The following MAGI2 variants were observed in gnomAD, a reference collection of about 807,000 sequenced individuals.
MAGI2 encodes membrane associated guanylate kinase, WW and PDZ domain containing 2.
Under a neutral mutation model 133.3 loss-of-function variants are expected in MAGI2, and 35 were observed. The ratio of observed to expected loss-of-function variants is 0.26; its 90% CI spans 0.20 to 0.35. MAGI2 has a LOEUF of 0.35. MAGI2 is among the 10% of genes least tolerant of loss of function. MAGI2 has a pLI of 1.00. For missense variants in MAGI2, 1,636 were observed against 1,863.4 expected (o/e 0.88, Z 2.25); for synonymous variants, 729 against 710.6 (o/e 1.03, Z -0.41).
chr7:78,771,072 A>G (rs1327619117), intron 2 of MAGI2: 1 of 152,134 alleles, frequency 6.6e-6, no homozygotes, highest in Non-Finnish European at 1.5e-5. Flanking sequence ...ACTGCCGCTG[A>G]GCTCTTTTGT....
rs1839508757 is a variant in MAGI2, at chr7:79,324,640, TAAAATATATATATATTATATATATATAA to T, written c.301+128352_301+128379del. The stretch of plus-strand genomic sequence containing the variant: ...ATATAATATATATATTATATATATA[TAAAATATATATATATTATATATATATAA>T]AATATATATATATTATATATATATA... On this transcript the variant is annotated intron_variant, in intron 1 of 21. Transcript: ENST00000354212. 5.1e-5 allele frequency among the ~76,000 whole-genome samples: 2 copies of T among 39,566 alleles called. 1 individual carries two copies. The highest frequency in any genetic ancestry group is 2.1e-3 in the East Asian group (2 of 972). 26.0% of individuals were successfully genotyped at this position (39,566 alleles called of 152,430 possible). A position where few individuals can be genotyped will look rare whatever the true frequency, so the allele number is the denominator to read the frequency against.
chr7:79,032,044 T>C (rs1318753976), intron 1 of MAGI2, among the ~76,000 whole-genome samples: 1 of 152,196 alleles, frequency 6.6e-6, no homozygotes, highest in Non-Finnish European at 1.5e-5. Context: ...TATATAATTT[T>C]AGCCCTCAGT....
intron 2 of MAGI2, among the ~76,000 whole-genome samples, chr7:78,892,819 G>A (rs1796878985): frequency 6.6e-6 from 1 of 152,036 alleles, no homozygotes; most frequent in African/African-American, 2.4e-5. Flanking sequence ...ATAGGCATGG[G>A]CAAGGACTTC....
chr7:78,644,708 A>C (rs1235828733), intron 2 of MAGI2, among the ~76,000 whole-genome samples: 1 of 152,190 alleles, frequency 6.6e-6, no homozygotes, highest in Non-Finnish European at 1.5e-5. Context: ...GAAAGGTCTC[A>C]AATCAATGAC....
intron 12 of MAGI2, among the ~76,000 whole-genome samples, chr7:78,190,925 G>GT (rs1335219466): frequency 6.6e-6 from 1 of 152,132 alleles, no homozygotes; most frequent in Non-Finnish European, 1.5e-5. Context: ...ATTTTCTTTT[G>GT]TTTTCAATTT....
chr7:78,632,257 T>C (rs922322076), intron 2 of MAGI2, among the ~76,000 whole-genome samples: 2 of 152,226 alleles, frequency 1.3e-5, no homozygotes, highest in African/African-American at 4.8e-5. Flanking sequence ...AAAAGTTATA[T>C]AGTATGCTAT....
intron 20 of MAGI2, among the ~76,000 whole-genome samples, chr7:78,110,790 A>G (rs1819282429): frequency 1.3e-5 from 2 of 152,218 alleles, no homozygotes; most frequent in African/African-American, 4.8e-5. Flanking sequence ...GGAAGCAGCC[A>G]CAAAGAAAGA....
intron 16 of MAGI2, among the ~76,000 whole-genome samples, chr7:78,148,196 A>G (rs951326123): frequency 6.6e-6 from 1 of 152,224 alleles, no homozygotes; most frequent in Non-Finnish European, 1.5e-5. Flanking sequence ...ACAATGGAAT[A>G]TTATTCAGCA....
intron 1 of MAGI2, among the ~76,000 whole-genome samples, chr7:79,278,096 AG>A (rs1835365785): frequency 6.6e-6 from 1 of 152,098 alleles, no homozygotes; most frequent in Non-Finnish European, 1.5e-5. Flanking sequence ...GTTTGGATCA[AG>A]GGGGCAGATC....
chr7:78,913,592 A>G (rs1372637064), intron 2 of MAGI2, among the ~76,000 whole-genome samples: 3 of 152,184 alleles, frequency 2.0e-5, no homozygotes, highest in Admixed American at 1.3e-4. Context: ...AGTAACTCCT[A>G]GAGCATCAGT....
At chr7:79,131,007 C>A (rs1272661091) in intron 1 of MAGI2, among the ~76,000 whole-genome samples, 1 of 152,080 alleles carries the variant, frequency 6.6e-6, no homozygotes, top group Admixed American at 6.6e-5. Context: ...GGATGAGGAT[C>A]ATGGAGCAGG....
intron 12 of MAGI2, among the ~76,000 whole-genome samples, chr7:78,192,248 C>A (rs1828291093): frequency 2.6e-5 from 4 of 151,854 alleles, no homozygotes; most frequent in Admixed American, 2.0e-4. Context: ...GGAAAAGACA[C>A]AAGAATAAAT....
chr7:78,639,479 T>C (rs1810045436), intron 2 of MAGI2, among the ~76,000 whole-genome samples: 1 of 152,168 alleles, frequency 6.6e-6, no homozygotes, highest in Non-Finnish European at 1.5e-5. Context: ...TATTCTTGCT[T>C]TAAATCTTGA....
At chr7:78,583,411 T>C in intron 3 of MAGI2, 1 of 203,036 alleles carries the variant, frequency 4.9e-6, no homozygotes, top group Non-Finnish European at 1.1e-5. Flanking sequence ...GGAAGGTGAA[T>C]CGCGTGAACC....
intron 2 of MAGI2, among the ~76,000 whole-genome samples, chr7:78,787,647 C>T (rs1156833750): frequency 6.6e-6 from 1 of 152,294 alleles, no homozygotes; most frequent in South Asian, 2.1e-4. Context: ...CAGCAAAAAG[C>T]TAATGCTGAA....
intron 1 of MAGI2, among the ~76,000 whole-genome samples, chr7:79,408,147 C>A (rs952770658): frequency 6.6e-6 from 1 of 152,040 alleles, no homozygotes; most frequent in African/African-American, 2.4e-5. Flanking sequence ...AATTTTATTA[C>A]TGCTAAATGT....
chr7:78,633,668 T>C (rs11766119), intron 2 of MAGI2, among the ~76,000 whole-genome samples: 6,445 of 136,808 alleles, frequency 0.047, 195 homozygotes, highest in East Asian at 0.08. Context: ...ATCGCGCCAC[T>C]GCACTCCAGC....
intron 4 of MAGI2, among the ~76,000 whole-genome samples, chr7:78,504,312 G>A (rs907526474): frequency 1.3e-5 from 2 of 151,604 alleles, no homozygotes; most frequent in Non-Finnish European, 2.9e-5. Flanking sequence ...TGTATAATGG[G>A]GATATTTTTG....
chr7:78,659,740 G>C (rs1175366610), intron 2 of MAGI2, among the ~76,000 whole-genome samples: 1 of 152,034 alleles, frequency 6.6e-6, no homozygotes, highest in Non-Finnish European at 1.5e-5. Context: ...TCAATATCTT[G>C]GTTGTGATAT....
Sources: gnomAD v4.1 joint callset for allele counts (sites outside exome capture counted in the v4.1 genomes callset) on GRCh38, gnomAD v4.1.1 for gene constraint, MANE v1.5 for transcripts, NCBI Gene and HGNC (gene_info 2026-07-23, HGNC 2026-07-21) for gene names.